The following SEL1L3 variants were observed in gnomAD, a reference collection of about 807,000 sequenced individuals.
The protein encoded by SEL1L3 is protein sel-1 homolog 3.
A neutral mutation model predicts 142.8 loss-of-function variants in SEL1L3; 76 were observed. The ratio of observed to expected loss-of-function variants is 0.53; its 90% CI spans 0.44 to 0.64. The LOEUF is 0.64. Ranked by LOEUF, SEL1L3 falls within the 30% of genes least tolerant of loss-of-function variation. The probability of loss-of-function intolerance (pLI) is 0.00; values close to 1 mark genes in which losing one functional copy is unlikely to be tolerated. For synonymous variants in SEL1L3, 504 were observed against 519.6 expected, an observed-to-expected ratio of 0.97 and a Z score of 0.41; for missense variants, 1,262 against 1,381.7, an observed-to-expected ratio of 0.91 and a Z score of 1.37.
chr4:25,786,394 T>C (rs1036021585), intron 13 of SEL1L3, among the ~76,000 whole-genome samples: 1 of 152,042 alleles, frequency 6.6e-6, no homozygotes, highest in African/African-American at 2.4e-5. Context: ...TTAGAAAGAA[T>C]GCAGAACCCC....
chr4:25,862,901 G>A lies in SEL1L3; in HGVS notation c.-65C>T, dbSNP rs1717835682. On this transcript the variant is annotated 5_prime_UTR_variant, in exon 1 of 24. Transcript: ENST00000399878. The stretch of plus-strand genomic sequence containing the variant: ...GTGCAGGGACCGGCCCCCGCCCGAG[G>A]CGCCACCTTCCCGCCCGCCCCCGGC... 9.8e-7 allele frequency: 1 copy of A among 1,019,168 alleles called. No homozygotes were observed. Among genetic ancestry groups the A allele is most frequent in the East Asian group, 8.9e-5 (1 of 11,174 alleles). 63.1% of individuals were successfully genotyped at this position (1,019,168 alleles called of 1,614,324 possible).
In SEL1L3 at chr4:25,784,248, T is replaced by A; in HGVS notation, c.2260A>T (p.Met754Leu). 6.2e-7 allele frequency: 1 copy of A among 1,613,626 alleles called. No individual in the cohort carries two copies. Among genetic ancestry groups the A allele is most frequent in the Non-Finnish European group, 8.5e-7 (1 of 1,179,574 alleles). The change falls in exon 14 of 24, where the codon ATG (methionine) becomes TTG (leucine). Residue 754 changes from methionine to leucine, a missense_variant. Physicochemically the swap from Met to Leu is conservative, Grantham distance 15 (BLOSUM62 2). Coordinates refer to ENST00000399878, the MANE Select transcript of SEL1L3 (RefSeq NM_015187.5). ...GTTACCTTGGAAGCTGCTTTCTTCATCAGCTCTAAGGCAAGCCGTCTGTTC... is the reference window on the plus strand; with the variant it reads ...GTTACCTTGGAAGCTGCTTTCTTCAACAGCTCTAAGGCAAGCCGTCTGTTC... ...KKNRRLALEL[M>L]KKAASKGLHQ...
At chr4:25,816,573 C>G (rs1422446051) in intron 9 of SEL1L3, among the ~76,000 whole-genome samples, 1 of 152,192 alleles carries the variant, frequency 6.6e-6, no homozygotes, top group Non-Finnish European at 1.5e-5. Flanking sequence ...TTCCCTTCTT[C>G]CAGCTCCACC....
chr4:25,747,483 AG>A lies in SEL1L3; in HGVS notation c.*941del, dbSNP rs1050444655. ...TACTACTGTAAATAAAGTAGTGCAA[AG>A]AGTAGTTTGGACCCACAATATTGCA... On this transcript the variant is annotated 3_prime_UTR_variant, in exon 24 of 24. Coordinates refer to ENST00000399878, the MANE Select transcript of SEL1L3 (RefSeq NM_015187.5). The A allele has an allele frequency of 2.6e-5, 4 of 152,128 alleles. No homozygotes were observed. Among genetic ancestry groups the A allele is most frequent in the African/African-American group, 9.7e-5 (4 of 41,420 alleles). The allele number at this position is 152,128 out of a possible 1,614,324, so 9.4% of individuals were successfully genotyped here.
downstream of SEL1L3, among the ~76,000 whole-genome samples, chr4:25,746,543 C>CT (rs1268980820): frequency 2.5e-5 from 3 of 121,570 alleles, no homozygotes; most frequent in African/African-American, 7.7e-5. Flanking sequence ...TATATATATT[C>CT]AAATGTATAT....
rs545648708 is a variant in SEL1L3 at position 25,751,603 on chromosome 4, C to T, written c.3260-3039G>A. On this transcript the variant is annotated intron_variant, in intron 23 of 23. Coordinates refer to ENST00000399878, the MANE Select transcript of SEL1L3 (RefSeq NM_015187.5). The stretch of plus-strand genomic sequence containing the variant: ...GGTGGAATGCGAGCCAGGAGTCAAA[C>T]ACAAGTTCCCTTGAAGGAAAGAATA... 3.3e-5 allele frequency among the ~76,000 whole-genome samples: 5 copies of T among 151,588 alleles called. No homozygotes were observed. In the East Asian group the frequency reaches 9.7e-4, roughly 29 times the overall value.
the SEL1L3 span, among the ~76,000 whole-genome samples, chr4:25,725,163 C>T: frequency 3.3e-5 from 5 of 152,156 alleles, no homozygotes; most frequent in Admixed American, 3.3e-4. Context: ...AGTCCCAATC[C>T]AGACCCTAAG....
At position 25,757,708 on chromosome 4, in the gene SEL1L3, C is replaced by A. The variant is rs1718087073; in HGVS notation, c.3166G>T (p.Ala1056Ser). Residue 1056 changes from alanine to serine, a missense_variant, in exon 22 of 24, where the codon GCT (alanine) becomes TCT (serine). Coordinates refer to ENST00000399878, the MANE Select transcript of SEL1L3 (RefSeq NM_015187.5). ...CCTACCAGGGCTGAGTGCAGGATAG[C>A]ACCCCAGAGAAGCCGCAAGTGCAGG... ...LYLHLRLLWG[A>S]ILHSALIYFL... 6.3e-7 allele frequency: 1 copy of A among 1,595,022 alleles called. No homozygotes were observed. Among genetic ancestry groups the A allele is most frequent in the Non-Finnish European group, 8.5e-7 (1 of 1,171,100 alleles).
the SEL1L3 span, among the ~76,000 whole-genome samples, chr4:25,733,323 T>A: frequency 2.0e-5 from 3 of 152,112 alleles, no homozygotes; most frequent in Non-Finnish European, 4.4e-5. Context: ...GTTTTTAGAA[T>A]ACAGGTCTTG....
At chr4:25,802,803 G>A (rs372874894) in intron 10 of SEL1L3, among the ~76,000 whole-genome samples, 14 of 151,886 alleles carry the variant, frequency 9.2e-5, no homozygotes, top group Admixed American at 3.3e-4. Flanking sequence ...GGATGGTCTC[G>A]ATCTCCTGAC....
At chr4:25,794,428 A>G (rs1032918634) in intron 11 of SEL1L3, among the ~76,000 whole-genome samples, 1 of 152,218 alleles carries the variant, frequency 6.6e-6, no homozygotes, top group Non-Finnish European at 1.5e-5. Flanking sequence ...GGGGAAAAAA[A>G]GCTCAACATC....
intron 9 of SEL1L3, among the ~76,000 whole-genome samples, chr4:25,807,651 T>G (rs1654627414): frequency 6.6e-6 from 1 of 152,234 alleles, no homozygotes; most frequent in Non-Finnish European, 1.5e-5. Context: ...AGAGTACCCG[T>G]GGACCCGAGC....
At chr4:25,863,403 C>T, upstream of SEL1L3, 1 of 696,984 alleles carries the variant, frequency 1.4e-6, no homozygotes, top group East Asian at 2.7e-5. Context: ...CATCCTCTTC[C>T]TCGCTTCCGC....
rs76541841 is a variant in SEL1L3 at position 25,838,186 on chromosome 4, C to T, written c.734-2863G>A. Among the ~76,000 whole-genome samples the T allele has an allele frequency of 2.4e-4, 36 of 152,296 alleles. No homozygotes were observed. The East Asian group carries it at 6.2e-3, about 26-fold the overall frequency. On this transcript the variant is annotated intron_variant, in intron 2 of 23. Coordinates refer to ENST00000399878, the MANE Select transcript of SEL1L3 (RefSeq NM_015187.5). ...CACACTGCGTAAGCCAAAGAATGAC[C>T]TTTCTTCTTTCAAATCCTTTCCCCA...
intron 9 of SEL1L3, among the ~76,000 whole-genome samples, chr4:25,810,721 C>T (rs115340998): frequency 6.6e-6 from 1 of 152,124 alleles, no homozygotes; most frequent in Admixed American, 6.5e-5. Flanking sequence ...GATGCCACCC[C>T]AGAGTCTAGA....
chr4:25,771,783 G>A (rs1719226501), intron 17 of SEL1L3, among the ~76,000 whole-genome samples: 1 of 152,128 alleles, frequency 6.6e-6, no homozygotes, highest in Non-Finnish European at 1.5e-5. Context: ...CACATGTAGG[G>A]GTAAGGCAGA....
chr4:25,747,044 C>G (rs1246486068), downstream of SEL1L3, among the ~76,000 whole-genome samples: 1 of 152,118 alleles, frequency 6.6e-6, no homozygotes, highest in Non-Finnish European at 1.5e-5. Flanking sequence ...GAATTTGAAT[C>G]CAGGACTGTC....
chr4:25,788,257 C>T lies in SEL1L3; in HGVS notation c.2184G>A (p.Ala728=), dbSNP rs566425956. 7 of 1,613,910 alleles carry T rather than the reference C, an allele frequency of 4.3e-6. No individual in the cohort carries two copies. Among genetic ancestry groups the T allele is most frequent in the Admixed American group, 1.7e-5 (1 of 60,022 alleles). ...AKGALETEDP[A]LIYDYAIVLF... The stretch of plus-strand genomic sequence containing the variant: ...GCACAATGGCATAGTCATAGATTAA[C>T]GCAGGATCCTCCGTCTCCAGGGCGC... Residue 728 remains alanine, a synonymous_variant, in exon 13 of 24, where the codon GCG becomes GCA. Transcript: ENST00000399878. The surrounding 1 kb of genome is among the most constrained non-coding windows in gnomAD (Gnocchi z 5.3).
downstream of SEL1L3, among the ~76,000 whole-genome samples, chr4:25,745,683 C>T (rs1717240525): frequency 6.6e-6 from 1 of 152,212 alleles, no homozygotes; most frequent in South Asian, 2.1e-4. Context: ...ATCTACAATA[C>T]ACAAGACAAC....
Sources: gnomAD v4.1 joint callset for allele counts (sites outside exome capture counted in the v4.1 genomes callset) on GRCh38, gnomAD v4.1.1 for gene constraint, Gnocchi (gnomAD v3.1) non-coding constraint, MANE v1.5 for transcripts, NCBI Gene and HGNC (gene_info 2026-07-23, HGNC 2026-07-21) for gene names.